Variants in ZMAT5 observed in about 807,000 individuals in gnomAD.
ZMAT5 encodes the protein zinc finger matrin-type protein 5.
A neutral mutation model predicts 28.0 loss-of-function variants in ZMAT5; 23 were observed. That is an observed-to-expected ratio of 0.82 (90% CI 0.59 to 1.16). ZMAT5 has a LOEUF of 1.16. Among genes scored for constraint, ZMAT5 ranks in the 50% most tolerant of loss-of-function variants. The pLI is 0.00. For missense variants in ZMAT5, 173 were observed against 212.7 expected (o/e 0.81, Z 1.16); for synonymous variants, 76 against 84.1 (o/e 0.90, Z 0.52).
intron 1 of ZMAT5, among the ~76,000 whole-genome samples, chr22:29,765,522 C>T (rs1370158940): frequency 6.6e-6 from 1 of 152,144 alleles, no homozygotes; most frequent in Non-Finnish European, 1.5e-5. Flanking sequence ...TGCCCTCCCT[C>T]CCAAATTACA....
intron 5 of ZMAT5, among the ~76,000 whole-genome samples, chr22:29,737,884 CA>C (rs1312317543): frequency 2.0e-5 from 2 of 98,210 alleles, no homozygotes; most frequent in Non-Finnish European, 4.0e-5. Flanking sequence ...GCAGTGGGAC[CA>C]GGACCTCGTC....
intron 5 of ZMAT5, among the ~76,000 whole-genome samples, chr22:29,734,020 G>C (rs912030130): frequency 6.6e-6 from 1 of 152,196 alleles, no homozygotes; most frequent in African/African-American, 2.4e-5. Context: ...TTTCCCAGCC[G>C]CGGTCCTAAT....
chr22:29,751,483 C>A (rs1041066115), intron 1 of ZMAT5, among the ~76,000 whole-genome samples: 1 of 152,192 alleles, frequency 6.6e-6, no homozygotes, highest in Non-Finnish European at 1.5e-5. Flanking sequence ...ATACCTACTA[C>A]GTGCTGGCAC....
chr22:29,739,435 T>C (rs780499866), intron 4 of ZMAT5, among the ~76,000 whole-genome samples: 4 of 152,144 alleles, frequency 2.6e-5, no homozygotes, highest in South Asian at 2.1e-4. Context: ...TGGAGCTCAC[T>C]TGGGGCCGGG....
rs905851952 is a variant in ZMAT5 at position 29,738,457 on chromosome 22, G to A, written c.272-16C>T. ...CGCCTCTCCTCTGTGGGGACAGGGA[G>A]ACAAAGGCAAGTGAGGGGTACACTC... On this transcript the variant is annotated splice_polypyrimidine_tract_variant and intron_variant, in intron 4 of 5. Coordinates refer to ENST00000344318, the MANE Select transcript of ZMAT5 (RefSeq NM_001003692.2). The A allele has an allele frequency of 1.2e-6, 2 of 1,606,314 alleles. No individual in the cohort carries two copies. The highest frequency in any genetic ancestry group is 2.7e-5 in the African/African-American group (2 of 74,752).
intron 1 of ZMAT5, among the ~76,000 whole-genome samples, chr22:29,766,537 G>A (rs377332725): frequency 6.6e-6 from 1 of 152,342 alleles, no homozygotes; most frequent in East Asian, 1.9e-4. Context: ...GAAAACATCT[G>A]TTGAATGCCC....
At chr22:29,742,350 A>G (rs528335320) in intron 3 of ZMAT5, 68 bp downstream of exon 3, 20 of 1,521,958 alleles carry the variant, frequency 1.3e-5, no homozygotes, top group Admixed American at 1.7e-5. Context: ...CACTCTGCAG[A>G]GGTCCAAGTG....
rs1358916909 is a variant in ZMAT5 at position 29,731,109 on chromosome 22, T to A, written c.*116A>T. The A allele has an allele frequency of 8.4e-7, 1 of 1,193,312 alleles. No homozygotes were observed. Among genetic ancestry groups the A allele is most frequent in the South Asian group, 2.0e-5 (1 of 49,256 alleles). The allele number at this position is 1,193,312 out of a possible 1,614,324, so 73.9% of individuals were successfully genotyped here. ...GGTGTGGCCGTGTCCTGAGCCTCAGTGAGGCTGGGCAGATGGTCTCGGAGC... is the reference window on the plus strand; with the variant it reads ...GGTGTGGCCGTGTCCTGAGCCTCAGAGAGGCTGGGCAGATGGTCTCGGAGC... On this transcript the variant is annotated 3_prime_UTR_variant, in exon 6 of 6. Coordinates refer to ENST00000344318, the MANE Select transcript of ZMAT5 (RefSeq NM_001003692.2).
At chr22:29,759,205 T>C (rs556664772) in intron 1 of ZMAT5, among the ~76,000 whole-genome samples, 1 of 152,190 alleles carries the variant, frequency 6.6e-6, no homozygotes, top group Admixed American at 6.5e-5. Context: ...AAGGTAAAAA[T>C]AGTCTGAATG....
At chr22:29,765,719 T>G (rs1012641875) in intron 1 of ZMAT5, among the ~76,000 whole-genome samples, 1 of 151,182 alleles carries the variant, frequency 6.6e-6, no homozygotes, top group Non-Finnish European at 1.5e-5. Flanking sequence ...AAAAAAAAAA[T>G]TAGCCAGGCA....
chr22:29,752,240 A>G (rs1170428896), intron 1 of ZMAT5, among the ~76,000 whole-genome samples: 1 of 152,150 alleles, frequency 6.6e-6, no homozygotes, highest in Non-Finnish European at 1.5e-5. Context: ...CCCAAACACC[A>G]GCCCACCAGG....
At chr22:29,751,928 T>C (rs1014001415) in intron 1 of ZMAT5, among the ~76,000 whole-genome samples, 2 of 152,006 alleles carry the variant, frequency 1.3e-5, no homozygotes, top group African/African-American at 4.8e-5. Flanking sequence ...ACTGAGCCAT[T>C]GTACTCCAGC....
chr22:29,734,200 C>G (rs1253630086), intron 5 of ZMAT5, among the ~76,000 whole-genome samples: 1 of 152,174 alleles, frequency 6.6e-6, no homozygotes, highest in Non-Finnish European at 1.5e-5. Flanking sequence ...CTGAGGCCGC[C>G]GCTGCTCTTG....
chr22:29,734,842 C>T (rs1468257725), intron 5 of ZMAT5, among the ~76,000 whole-genome samples: 3 of 152,078 alleles, frequency 2.0e-5, no homozygotes, highest in Admixed American at 6.5e-5. Flanking sequence ...CAGCCCCAGC[C>T]CCAGCCCTGC....
chr22:29,752,484 C>T (rs1278477653), intron 1 of ZMAT5, among the ~76,000 whole-genome samples: 1 of 152,178 alleles, frequency 6.6e-6, no homozygotes, highest in African/African-American at 2.4e-5. Flanking sequence ...CCTCTGCCCA[C>T]CCATCATCTA....
intron 5 of ZMAT5, among the ~76,000 whole-genome samples, chr22:29,734,185 T>C (rs2067881870): frequency 6.6e-6 from 1 of 152,168 alleles, no homozygotes; most frequent in South Asian, 2.1e-4. Context: ...GATTAGTCTG[T>C]GTGTCTGAGG....
chr22:29,734,771 G>C (rs1015659290), intron 5 of ZMAT5, among the ~76,000 whole-genome samples: 2 of 152,244 alleles, frequency 1.3e-5, no homozygotes, highest in Non-Finnish European at 2.9e-5. Flanking sequence ...CAGGCCAGAG[G>C]CAAGAGGTGA....
intron 1 of ZMAT5, among the ~76,000 whole-genome samples, chr22:29,760,512 C>A (rs2068147487): frequency 6.6e-6 from 1 of 152,134 alleles, no homozygotes; most frequent in Admixed American, 6.5e-5. Context: ...GTATTCCAGC[C>A]TGGGTGACAG....
At chr22:29,758,971 C>T (rs1342199734) in intron 1 of ZMAT5, 1 of 152,234 alleles carries the variant, frequency 6.6e-6, no homozygotes, top group Admixed American at 6.5e-5. Context: ...CTCGGATGAA[C>T]CAGCCAGGGG....
Sources: allele counts gnomAD v4.1 joint callset (sites outside exome capture counted in the v4.1 genomes callset), GRCh38; gene constraint gnomAD v4.1.1; transcripts MANE v1.5; gene names NCBI Gene and HGNC (gene_info 2026-07-23, HGNC 2026-07-21).